Variants in UBA6 observed in about 807,000 individuals in gnomAD.
UBA6 encodes ubiquitin-like modifier-activating enzyme 6.
In UBA6, 87 loss-of-function variants were observed where a neutral mutation model predicts 148.3. The ratio of observed to expected loss-of-function variants is 0.59; its 90% CI spans 0.49 to 0.70. The LOEUF is 0.70. Among genes scored for constraint, UBA6 ranks in the 30% least tolerant of loss-of-function variants. The pLI is 0.00. For missense variants in UBA6, 1,186 were observed against 1,241.2 expected (o/e 0.96, Z 0.67); for synonymous variants, 376 against 401.0 (o/e 0.94, Z 0.75).
In UBA6 at chr4:67,659,577, C is replaced by T. The variant is rs917624580; in HGVS notation, c.1104+2612G>A. ...GTCATGTGAAACTGTGAGTCAATTACCTCTTTCCTATATAAAATACCCAAA... is the reference window on the plus strand; with the variant it reads ...GTCATGTGAAACTGTGAGTCAATTATCTCTTTCCTATATAAAATACCCAAA... On this transcript the variant is annotated intron_variant, in intron 13 of 32. Transcript: ENST00000322244. Among the ~76,000 whole-genome samples, 5 of 24,772 alleles carry T rather than the reference C, an allele frequency of 2.0e-4. 1 individual carries two copies. The highest frequency in any genetic ancestry group is 0.02 in the Middle Eastern group (1 of 50). The allele number at this position is 24,772 out of a possible 152,430, so 16.3% of individuals were successfully genotyped here.
At chr4:67,629,184 T>C (rs767048581) in intron 26 of UBA6, 42 bp from the exon 27 acceptor site, 1 of 1,296,356 alleles carries the variant, frequency 7.7e-7, no homozygotes, top group Non-Finnish European at 1.1e-6. Context: ...CATATTCTTC[T>C]AAATTCTAAA....
intron 2 of UBA6, among the ~76,000 whole-genome samples, chr4:67,683,488 G>A (rs1730488887): frequency 6.6e-6 from 1 of 152,056 alleles, no homozygotes; most frequent in Non-Finnish European, 1.5e-5. Flanking sequence ...ACGGTCCACA[G>A]GCTGCATGCG....
chr4:67,662,151 AAAC>A, intron 13 of UBA6, 35 bp downstream of exon 13: 1 of 1,592,508 alleles, frequency 6.3e-7, no homozygotes, highest in Non-Finnish European at 8.6e-7. Context: ...ATGTATTAAC[AAAC>A]AAATATTCGG....
At chr4:67,660,519 T>C (rs1025203479) in intron 13 of UBA6, among the ~76,000 whole-genome samples, 1 of 152,162 alleles carries the variant, frequency 6.6e-6, no homozygotes, top group African/African-American at 2.4e-5. Flanking sequence ...TGTTGGGCTG[T>C]GGGTGCACAG....
intron 13 of UBA6, among the ~76,000 whole-genome samples, chr4:67,658,113 C>T (rs1281557710): frequency 1.3e-5 from 2 of 152,134 alleles, no homozygotes; most frequent in African/African-American, 4.8e-5. Flanking sequence ...TCAGTTAAAC[C>T]ATTGTGGAAG....
chr4:67,639,137 T>C lies in UBA6; in HGVS notation c.1555-13A>G, dbSNP rs1198379122. ...AGCTTTTAGGTTTCTAAACAAATAA[T>C]ATAAGCAGAAGGAATATGTTAAACA... is the stretch of plus-strand genomic sequence containing the variant. On this transcript the variant is annotated splice_polypyrimidine_tract_variant and intron_variant, in intron 18 of 32. Coordinates refer to ENST00000322244, the MANE Select transcript of UBA6 (RefSeq NM_018227.6). 3.8e-6 allele frequency: 6 copies of C among 1,598,598 alleles called. No homozygotes were observed. Among genetic ancestry groups the C allele is most frequent in the Middle Eastern group, 1.7e-4 (1 of 5,904 alleles).
chr4:67,659,809 G>C (rs972483570), intron 13 of UBA6, among the ~76,000 whole-genome samples: 1 of 152,106 alleles, frequency 6.6e-6, no homozygotes, highest in East Asian at 1.9e-4. Context: ...ATGTGGGAAA[G>C]TTTGGAACTT....
chr4:67,674,561 C>T (rs1216569328), intron 6 of UBA6, among the ~76,000 whole-genome samples: 2 of 152,106 alleles, frequency 1.3e-5, no homozygotes, highest in Non-Finnish European at 2.9e-5. Context: ...GCAATATATG[C>T]TCATATTTTT....
chr4:67,619,862 C>A (rs184598091), intron 32 of UBA6, among the ~76,000 whole-genome samples: 4 of 152,284 alleles, frequency 2.6e-5, no homozygotes, highest in African/African-American at 9.6e-5. Flanking sequence ...CATCTACACA[C>A]CCCTTACATC....
intron 30 of UBA6, among the ~76,000 whole-genome samples, chr4:67,623,534 C>G (rs1397499395): frequency 6.6e-6 from 1 of 152,064 alleles, no homozygotes; most frequent in African/African-American, 2.4e-5. Flanking sequence ...GTTCCAGTAC[C>G]CCATTACTGG....
rs1051413411 is a variant in UBA6 at position 67,618,409 on chromosome 4, A to G, written c.*588T>C. 3 of 152,702 alleles carry G rather than the reference A, an allele frequency of 2.0e-5. No individual in the cohort carries two copies. The highest frequency in any genetic ancestry group is 7.2e-5 in the African/African-American group (3 of 41,474). The allele number at this position is 152,702 out of a possible 1,614,324, so 9.5% of individuals were successfully genotyped here. On this transcript the variant is annotated 3_prime_UTR_variant, in exon 33 of 33. Transcript: ENST00000322244. The stretch of plus-strand genomic sequence containing the variant: ...CAACAAAAATCCTGATTTTGGGGAC[A>G]CAGTGATATAACAAACTGGTTAAAC...
intron 1 of UBA6, among the ~76,000 whole-genome samples, chr4:67,699,488 C>T (rs1001049052): frequency 1.3e-5 from 2 of 152,136 alleles, no homozygotes; most frequent in African/African-American, 4.8e-5. Context: ...ATTACCAAGG[C>T]AAATCAGAAG....
intron 2 of UBA6, among the ~76,000 whole-genome samples, chr4:67,687,773 G>A (rs1278671053): frequency 2.0e-5 from 3 of 152,062 alleles, no homozygotes; most frequent in Admixed American, 6.5e-5. Flanking sequence ...AAGGATAATC[G>A]CTTCCAGCTC....
intron 2 of UBA6, among the ~76,000 whole-genome samples, chr4:67,690,426 C>A (rs763096777): frequency 6.6e-6 from 1 of 151,902 alleles, no homozygotes; most frequent in Admixed American, 6.6e-5. Flanking sequence ...AAGGCACACA[C>A]AACAAAAGCA....
At chr4:67,684,279 A>T (rs1730508041) in intron 2 of UBA6, among the ~76,000 whole-genome samples, 1 of 152,084 alleles carries the variant, frequency 6.6e-6, no homozygotes, top group Non-Finnish European at 1.5e-5. Context: ...TACACTAATA[A>T]ATCTAATTTT....
intron 16 of UBA6, among the ~76,000 whole-genome samples, chr4:67,645,017 T>C (rs1473568907): frequency 6.6e-6 from 1 of 152,134 alleles, no homozygotes; most frequent in Non-Finnish European, 1.5e-5. Context: ...ATAATGTTAA[T>C]ACAACATTTA....
At chr4:67,677,783 T>A in intron 5 of UBA6, 61 bp from the exon 6 acceptor site, 1 of 860,010 alleles carries the variant, frequency 1.2e-6, no homozygotes, top group Non-Finnish European at 1.8e-6. Flanking sequence ...TCTCTTCAAG[T>A]TGGACACTGT....
chr4:67,640,417 C>T (rs1172544128), intron 18 of UBA6, among the ~76,000 whole-genome samples: 2 of 152,168 alleles, frequency 1.3e-5, no homozygotes, highest in Non-Finnish European at 2.9e-5. Flanking sequence ...GCTTAGTTTA[C>T]TAAGACTTGC....
intron 2 of UBA6, among the ~76,000 whole-genome samples, chr4:67,691,473 G>A (rs1479783659): frequency 6.6e-6 from 1 of 152,130 alleles, no homozygotes; most frequent in African/African-American, 2.4e-5. Flanking sequence ...TGATGTATCT[G>A]GTTAAAGCAC....
Sources: allele counts gnomAD v4.1 joint callset (sites outside exome capture counted in the v4.1 genomes callset), GRCh38; gene constraint gnomAD v4.1.1; transcripts MANE v1.5; gene names NCBI Gene and HGNC (gene_info 2026-07-23, HGNC 2026-07-21).